The following TRPM4 variants were observed in gnomAD, a reference collection of about 807,000 sequenced individuals.
TRPM4 encodes calcium-activated non-selective cation channel 1.
In TRPM4, 124 loss-of-function variants were observed where a neutral mutation model predicts 135.6. The ratio of observed to expected loss-of-function variants is 0.91; its 90% CI spans 0.79 to 1.06. The LOEUF (loss-of-function observed/expected upper bound fraction) is 1.06. Among genes scored for constraint, TRPM4 ranks in the 50% least tolerant of loss-of-function variants. TRPM4 has a pLI of 0.00. For missense variants in TRPM4, 1,658 were observed against 1,671.4 expected (o/e 0.99, Z 0.14); for synonymous variants, 745 against 705.6 (o/e 1.06, Z -0.88).
rs1462302066 is a variant in TRPM4, at chr19:49,196,544, G to A, written c.2315G>A (p.Trp772Ter). The change falls in exon 17 of 25, where the codon TGG becomes TAG. Residue 772 changes from tryptophan (W) to a stop codon, truncating the protein, a stop_gained. Transcript: ENST00000252826. LOFTEE classifies it high-confidence loss of function. ...RCGGRRCLRRWFHFWGAPVTI... is the reference protein window; with the variant it reads ...RCGGRRCLRR Reference sequence around the variant, plus strand: ...GGGGGGCGCCGGTGCCTACGCCGCTGGTTCCACTTCTGGGGCGCGCCGGTG... The same window carrying A: ...GGGGGGCGCCGGTGCCTACGCCGCTAGTTCCACTTCTGGGGCGCGCCGGTG... 3.9e-6 allele frequency: 6 copies of A among 1,555,414 alleles called. No homozygotes were observed. The South Asian group carries it at 5.9e-5, about 15-fold the overall frequency.
intron 6 of TRPM4, among the ~76,000 whole-genome samples, chr19:49,170,469 A>G (rs1436398498): frequency 6.6e-6 from 1 of 152,120 alleles, no homozygotes; most frequent in East Asian, 1.9e-4. Flanking sequence ...GATTACAGGC[A>G]TGAGCCACCG....
chr19:49,208,608 T>G (rs1272922123), intron 20 of TRPM4, among the ~76,000 whole-genome samples: 1 of 152,116 alleles, frequency 6.6e-6, no homozygotes, highest in Non-Finnish European at 1.5e-5. Context: ...TATTATAATA[T>G]TGAAATAAAG....
chr19:49,186,202 A>G (rs1419051062), intron 12 of TRPM4, among the ~76,000 whole-genome samples: 1 of 152,220 alleles, frequency 6.6e-6, no homozygotes, highest in Non-Finnish European at 1.5e-5. Context: ...ATATAACAAG[A>G]AACTCCCTAT....
At chr19:49,201,172 G>A (rs12981989) in intron 19 of TRPM4, among the ~76,000 whole-genome samples, 40,491 of 151,896 alleles carry the variant, frequency 0.27, 5,791 homozygotes, top group South Asian at 0.37. Context: ...GAACAAAGGA[G>A]ATAGGGTCAT....
intron 17 of TRPM4, among the ~76,000 whole-genome samples, chr19:49,197,308 T>TTTTCTTTCTTTCTTTC (rs78342507): frequency 3.0e-4 from 37 of 122,322 alleles, no homozygotes; most frequent in South Asian, 8.3e-4. Flanking sequence ...CTTTCTTTCT[T>TTTTCTTTCTTTCTTTC]TTTCTTTCTT....
intron 12 of TRPM4, among the ~76,000 whole-genome samples, 166 bp downstream of exon 12, chr19:49,183,378 C>G (rs77044172): frequency 6.6e-6 from 1 of 152,252 alleles, no homozygotes; most frequent in East Asian, 1.9e-4. Context: ...TCTTTTCTCT[C>G]TCTCACATCA....
At chr19:49,169,075 C>T (rs1429065908) in intron 6 of TRPM4, among the ~76,000 whole-genome samples, 2 of 149,060 alleles carry the variant, frequency 1.3e-5, no homozygotes, top group East Asian at 2.1e-4. Context: ...TGTCGTGTGC[C>T]TGTAATCCCA....
intron 9 of TRPM4, among the ~76,000 whole-genome samples, chr19:49,173,107 T>C (rs1179027014): frequency 6.6e-6 from 1 of 150,754 alleles, no homozygotes; most frequent in East Asian, 2.0e-4. Context: ...CATCCATCCA[T>C]CTTCTCACCT....
At chr19:49,200,193 T>C (rs1968859271) in intron 17 of TRPM4, 107 bp from the exon 18 acceptor site, 1 of 1,566,842 alleles carries the variant, frequency 6.4e-7, no homozygotes, top group Non-Finnish European at 8.8e-7. Flanking sequence ...GTCCTGGTCC[T>C]GCCCGGTGGA....
At chr19:49,169,467 T>G (rs1568460577) in intron 6 of TRPM4, among the ~76,000 whole-genome samples, 1 of 125,514 alleles carries the variant, frequency 8.0e-6, no homozygotes, top group Non-Finnish European at 1.7e-5. Context: ...GTATTTTTAG[T>G]AGACGGGGTT....
chr19:49,190,169 G>T (rs781708721), intron 14 of TRPM4, 39 bp from the exon 15 acceptor site: 4 of 1,570,598 alleles, frequency 2.5e-6, no homozygotes, highest in East Asian at 2.2e-5. Flanking sequence ...ACGGGGCTGT[G>T]GGGGAGATTT....
At chr19:49,180,533 C>T (rs1000851492) in intron 9 of TRPM4, among the ~76,000 whole-genome samples, 2 of 150,474 alleles carry the variant, frequency 1.3e-5, no homozygotes, top group African/African-American at 4.9e-5. Context: ...CTTTTCGCAC[C>T]TTAGGGGCAT....
At chr19:49,163,899 G>T (rs753030648) in intron 2 of TRPM4, among the ~76,000 whole-genome samples, 10 of 152,158 alleles carry the variant, frequency 6.6e-5, no homozygotes, top group Non-Finnish European at 1.2e-4. Context: ...GGACAAAGTC[G>T]GTAAACTGAG....
At chr19:49,170,882 G>C (rs1163210368) in intron 6 of TRPM4, among the ~76,000 whole-genome samples, 1 of 152,174 alleles carries the variant, frequency 6.6e-6, no homozygotes, top group Non-Finnish European at 1.5e-5. Context: ...AGGAATTCGA[G>C]ACCAGCCTGG....
intron 20 of TRPM4, among the ~76,000 whole-genome samples, chr19:49,205,742 C>T (rs1408050476): frequency 1.3e-5 from 2 of 151,608 alleles, no homozygotes; most frequent in Non-Finnish European, 2.9e-5. Flanking sequence ...CACCATGTTG[C>T]CCAGGCCGAT....
rs1354779106 is a variant in TRPM4, at chr19:49,211,007, C to T, written c.3462-8C>T. 1.7e-5 allele frequency: 28 copies of T among 1,613,876 alleles called. No homozygotes were observed. Among genetic ancestry groups the T allele is most frequent in the Non-Finnish European group, 2.3e-5 (27 of 1,179,938 alleles). The stretch of plus-strand genomic sequence containing the variant: ...GGGTGCCCCCGGTAAGAGGCCCTCC[C>T]TTCTCAGGGTGGACTTGGCACTGAA... On this transcript the variant is annotated splice_polypyrimidine_tract_variant and splice_region_variant and intron_variant, in intron 22 of 24. Coordinates refer to ENST00000252826, the MANE Select transcript of TRPM4 (RefSeq NM_017636.4). The surrounding 1 kb of genome is among the most constrained non-coding windows in gnomAD (Gnocchi z 4.8).
At chr19:49,194,063 TCTC>T (rs1354844905) in intron 16 of TRPM4, among the ~76,000 whole-genome samples, 4 of 111,576 alleles carry the variant, frequency 3.6e-5, no homozygotes, top group Non-Finnish European at 5.7e-5. Flanking sequence ...TCATCCTACT[TCTC>T]CTCTTCATCC....
chr19:49,202,970 A>C (rs1431740747), intron 20 of TRPM4, among the ~76,000 whole-genome samples: 2 of 144,820 alleles, frequency 1.4e-5, no homozygotes, highest in African/African-American at 5.3e-5. Context: ...AGCTCACTAC[A>C]AGCTCCGCCA....
intron 12 of TRPM4, among the ~76,000 whole-genome samples, chr19:49,188,351 C>A (rs1419010115): frequency 6.6e-6 from 1 of 152,132 alleles, no homozygotes; most frequent in East Asian, 1.9e-4. Flanking sequence ...TAGTCGTGAG[C>A]CACTTTACCC....
Sources: gnomAD v4.1 joint callset for allele counts (sites outside exome capture counted in the v4.1 genomes callset) on GRCh38, gnomAD v4.1.1 for gene constraint, Gnocchi (gnomAD v3.1) non-coding constraint, MANE v1.5 for transcripts, NCBI Gene and HGNC (gene_info 2026-07-23, HGNC 2026-07-21) for gene names.